Variants in PCDHA7 observed in about 807,000 individuals in gnomAD.
PCDHA7 encodes protocadherin alpha 7.
In PCDHA7, 37 loss-of-function variants were observed where a neutral mutation model predicts 57.2. The observed-to-expected ratio is 0.65, with a 90% CI of 0.50 to 0.85. The LOEUF (loss-of-function observed/expected upper bound fraction) is 0.85, where lower values mean the gene tolerates loss of function less well. PCDHA7 is among the 40% of genes least tolerant of loss of function. The probability of loss-of-function intolerance (pLI) is 0.00; values close to 1 mark genes in which losing one functional copy is unlikely to be tolerated. For missense variants in PCDHA7, 1,188 were observed against 1,241.8 expected (o/e 0.96, Z 0.65); for synonymous variants, 553 against 558.8 (o/e 0.99, Z 0.15).
intron 1 of PCDHA7, among the ~76,000 whole-genome samples, chr5:140,940,057 A>G (rs2092538975): frequency 6.6e-6 from 1 of 152,224 alleles, no homozygotes; most frequent in African/African-American, 2.4e-5. Flanking sequence ...TTCTTAACCA[A>G]ATATAAATAT....
chr5:140,984,138 G>A (rs1476039645), intron 3 of PCDHA7, among the ~76,000 whole-genome samples: 1 of 152,194 alleles, frequency 6.6e-6, no homozygotes, highest in East Asian at 1.9e-4. Flanking sequence ...GGATGTGGAG[G>A]CATCTGGGAA....
At chr5:140,990,073 G>A (rs559119700) in intron 3 of PCDHA7, among the ~76,000 whole-genome samples, 6 of 152,178 alleles carry the variant, frequency 3.9e-5, no homozygotes, top group East Asian at 1.9e-4. Context: ...AAATAAGGGG[G>A]ACAAAGGATG....
intron 1 of PCDHA7, among the ~76,000 whole-genome samples, chr5:140,906,871 A>G (rs953788729): frequency 6.6e-6 from 1 of 152,184 alleles, no homozygotes; most frequent in African/African-American, 2.4e-5. Flanking sequence ...CCCAGCCAAC[A>G]CTGTAACTTC....
At chr5:141,007,379 C>T (rs1178671835) in intron 3 of PCDHA7, among the ~76,000 whole-genome samples, 1 of 139,926 alleles carries the variant, frequency 7.1e-6, no homozygotes, top group Non-Finnish European at 1.5e-5. Context: ...GATGGAACAC[C>T]ATCTCTACTA....
chr5:141,007,256 G>A (rs1412168610), intron 3 of PCDHA7, among the ~76,000 whole-genome samples: 1 of 152,034 alleles, frequency 6.6e-6, no homozygotes, highest in Non-Finnish European at 1.5e-5. Flanking sequence ...CAAGTTAAAA[G>A]AAGCAGATAC....
chr5:140,897,881 C>G (rs1417702752), intron 1 of PCDHA7, among the ~76,000 whole-genome samples: 1 of 152,312 alleles, frequency 6.6e-6, no homozygotes, highest in Admixed American at 6.5e-5. Context: ...GATTGCCATT[C>G]TAACTGGTGT....
At chr5:140,869,267 A>G in intron 1 of PCDHA7, 1 of 1,613,490 alleles carries the variant, frequency 6.2e-7, no homozygotes, top group South Asian at 1.1e-5. Flanking sequence ...CTGGGGCTGG[A>G]GCTGGCGGAG....
At position 140,836,017 on chromosome 5, in the gene PCDHA7, T is replaced by C. The variant is rs1201962731; in HGVS notation, c.1634T>C (p.Leu545Pro). The part of the protein sequence containing the change: ...VSARDAGVPP[L>P]GSNVTLQVFV... Reference sequence around the variant, plus strand: ...GCGCGCGATGCGGGCGTGCCGCCTCTGGGCAGCAACGTGACGCTGCAGGTG... The same window carrying C: ...GCGCGCGATGCGGGCGTGCCGCCTCCGGGCAGCAACGTGACGCTGCAGGTG... Residue 545 changes from leucine to proline, a missense_variant, in exon 1 of 4, where the codon CTG (leucine) becomes CCG (proline). By Grantham distance (98) the Leu-to-Pro change is moderately conservative. Transcript: ENST00000525929. The C allele has an allele frequency of 5.6e-6, 9 of 1,613,360 alleles. No individual in the cohort carries two copies. In the African/African-American group the frequency reaches 1.1e-4, roughly 19 times the overall value.
intron 1 of PCDHA7, among the ~76,000 whole-genome samples, chr5:140,907,278 A>G (rs558447183): frequency 2.6e-5 from 4 of 152,338 alleles, no homozygotes; most frequent in African/African-American, 7.2e-5. Context: ...CCATCATTCT[A>G]TCAATCCAGC....
At position 140,836,104 on chromosome 5, in the gene PCDHA7, G is replaced by C. The variant is rs2150252946; in HGVS notation, c.1721G>C (p.Gly574Ala). The C allele has an allele frequency of 9.3e-6, 15 of 1,613,730 alleles. 1 individual carries two copies. In the South Asian group the frequency reaches 1.4e-4, roughly 15 times the overall value. ...CTGGCGCCTCGGGTGGGTGGCACTG[G>C]TGGCGCAGTGAGAGAGCTTGTGCCG... is the stretch of plus-strand genomic sequence containing the variant. The part of the protein sequence containing the change: ...ALLAPRVGGT[G>A]GAVRELVPRS... The change falls in exon 1 of 4, where the codon GGT (glycine) becomes GCT (alanine). Residue 574 changes from glycine to alanine, a missense_variant. Transcript: ENST00000525929.
At position 141,009,849 on chromosome 5, in the gene PCDHA7, C is replaced by T. The variant is rs782348993; in HGVS notation, c.2726C>T (p.Thr909Ile). 54 of 1,613,364 alleles carry T rather than the reference C, an allele frequency of 3.3e-5. No individual in the cohort carries two copies. The South Asian group carries it at 5.8e-4, about 17-fold the overall frequency. ...DFITFGKKEETKKKKKKKKGN... is the reference protein window; with the variant it reads ...DFITFGKKEEIKKKKKKKKGN... ...ATAACCTTCGGCAAAAAGGAGGAGA[C>T]CAAGAAAAAGAAGAAAAAGAAGAAG... Residue 909 changes from threonine to isoleucine, a missense_variant, in exon 4 of 4, where the codon ACC becomes ATC. Around this residue, in one of 3 missense-constraint regions of PCDHA7, gnomAD observed 892 missense variants for 788.5 expected, o/e 1.13. Transcript: ENST00000525929.
intron 1 of PCDHA7, among the ~76,000 whole-genome samples, chr5:140,960,401 G>C (rs1219932748): frequency 2.0e-5 from 3 of 151,956 alleles, no homozygotes; most frequent in African/African-American, 7.3e-5. Flanking sequence ...TGCAAGGGGG[G>C]GTGCCCAAAA....
At chr5:140,974,865 G>A (rs1042029401) in intron 1 of PCDHA7, among the ~76,000 whole-genome samples, 7 of 152,026 alleles carry the variant, frequency 4.6e-5, no homozygotes, top group African/African-American at 1.4e-4. Context: ...GCCTTAATGC[G>A]GAACAGTCTA....
At chr5:140,855,797 T>C in intron 1 of PCDHA7, 1 of 465,668 alleles carries the variant, frequency 2.1e-6, no homozygotes, top group South Asian at 4.0e-5. Context: ...AATTAACATA[T>C]GAATGAAAGA....
intron 1 of PCDHA7, among the ~76,000 whole-genome samples, chr5:140,972,578 C>A (rs1554234223): frequency 6.6e-6 from 1 of 151,798 alleles, no homozygotes; most frequent in Non-Finnish European, 1.5e-5. Flanking sequence ...GGCAATAGGG[C>A]AGAATTTCTC....
intron 1 of PCDHA7, among the ~76,000 whole-genome samples, chr5:140,878,898 G>A (rs2057763490): frequency 6.6e-6 from 1 of 152,154 alleles, no homozygotes; most frequent in South Asian, 2.1e-4. Flanking sequence ...ACTACAGGCA[G>A]GCTCCACCAC....
chr5:140,929,124 C>A (rs2085843450), intron 1 of PCDHA7: 5 of 1,614,048 alleles, frequency 3.1e-6, no homozygotes, highest in Admixed American at 3.3e-5. Context: ...CCATAGATGT[C>A]ACTACAGTTG....
chr5:140,843,387 C>A (rs2150358876), intron 1 of PCDHA7: 2 of 1,595,950 alleles, frequency 1.3e-6, no homozygotes, highest in East Asian at 4.5e-5. Context: ...GTTTTGGGTC[C>A]GGAAGCGGCG....
chr5:140,965,299 C>A (rs1295211520), intron 1 of PCDHA7, among the ~76,000 whole-genome samples: 4 of 152,134 alleles, frequency 2.6e-5, no homozygotes, highest in African/African-American at 7.2e-5. Context: ...TTCCTCTGAT[C>A]CTTCTACCTT....
Sources: gnomAD v4.1 joint callset for allele counts (sites outside exome capture counted in the v4.1 genomes callset) on GRCh38, gnomAD v4.1.1 for gene constraint, gnomAD v4.1.1 regional missense constraint, MANE v1.5 for transcripts, NCBI Gene and HGNC (gene_info 2026-07-23, HGNC 2026-07-21) for gene names.